FOXN3: variants seen among roughly 807,000 people sequenced by gnomAD.
The protein encoded by FOXN3 is forkhead box N3.
FOXN3 carries 7 observed loss-of-function variants against 38.4 expected under a neutral mutation model. The observed-to-expected ratio is 0.18, with a 90% confidence interval of 0.10 to 0.34. The LOEUF is 0.34. FOXN3 is among the 10% of genes least tolerant of loss of function. The probability of loss-of-function intolerance (pLI) is 1.00; values close to 1 mark genes in which losing one functional copy is unlikely to be tolerated. For synonymous variants in FOXN3, 230 were observed against 242.2 expected (o/e 0.95, Z 0.47); for missense variants, 456 against 613.4 (o/e 0.74, Z 2.71).
rs371338211 is a variant in FOXN3, at chr14:89,449,524, A to G, written c.-14-37034T>C. On this transcript the variant is annotated intron_variant, in intron 1 of 6. Coordinates refer to the FOXN3 transcript ENST00000345097. ...CAACATGTCACACAGCAAGTCAATC[A>G]GAGGACTGAGAAATAAACACAGAAG... Among the ~76,000 whole-genome samples the G allele has an allele frequency of 1.3e-4, 20 of 152,362 alleles. No individual in the cohort carries two copies. The East Asian group carries it at 1.7e-3, about 13-fold the overall frequency.
At chr14:89,230,862 A>T (rs1884785768) in intron 4 of FOXN3, 1 of 455,718 alleles carries the variant, frequency 2.2e-6, no homozygotes, top group Non-Finnish European at 4.4e-6. Flanking sequence ...GAAGGTTTTC[A>T]TTTTTCTGTT....
rs190111547 is a variant in FOXN3 at position 89,297,546 on chromosome 14, C to A, written c.681-16532G>T. On this transcript the variant is annotated intron_variant, in intron 3 of 5. Coordinates refer to ENST00000557258, the MANE Select transcript of FOXN3 (RefSeq NM_005197.4). ...CTGCACTCCAGCCTGGGCAACAGAG[C>A]AAGACTCCCTTTCAAAAAAAAAAAA... 4.3e-5 allele frequency among the ~76,000 whole-genome samples: 6 copies of A among 140,862 alleles called. No individual in the cohort carries two copies. The East Asian group carries it at 1.0e-3, about 24-fold the overall frequency. The allele number at this position is 140,862 out of a possible 152,430, so 92.4% of individuals were successfully genotyped here.
At chr14:89,553,450 GA>G (rs57720898) in intron 1 of FOXN3, among the ~76,000 whole-genome samples, 1,252 of 121,578 alleles carry the variant, frequency 0.01, 11 homozygotes, top group African/African-American at 0.022. Context: ...ACATGAAAGT[GA>G]AAAAAAAAAA....
chr14:89,610,660 GAGCCACATTTGGGGATATTTCC>G (rs1896371149), intron 1 of FOXN3, among the ~76,000 whole-genome samples: 1 of 152,166 alleles, frequency 6.6e-6, no homozygotes, highest in African/African-American at 2.4e-5. Context: ...AACTTCAAAA[GAGCCACATTTGGGGATATTTCC>G]AGTTAAGAAA....
At chr14:89,384,084 A>G (rs1890732251) in intron 2 of FOXN3, among the ~76,000 whole-genome samples, 1 of 152,238 alleles carries the variant, frequency 6.6e-6, no homozygotes. Flanking sequence ...TGCTACAATC[A>G]TTAGAGCTGA....
chr14:89,287,376 T>G (rs974420851), intron 3 of FOXN3, among the ~76,000 whole-genome samples: 1 of 152,142 alleles, frequency 6.6e-6, no homozygotes, highest in African/African-American at 2.4e-5. Flanking sequence ...TGTCTCGAAC[T>G]CCTGACCTCA....
chr14:89,309,171 C>T (rs970185906), intron 3 of FOXN3, among the ~76,000 whole-genome samples: 1 of 152,168 alleles, frequency 6.6e-6, no homozygotes, highest in Admixed American at 6.5e-5. Context: ...GCTTACAGGC[C>T]ATTCAATCTC....
chr14:89,455,556 C>T (rs576079784), intron 1 of FOXN3, among the ~76,000 whole-genome samples: 98 of 152,238 alleles, frequency 6.4e-4, no homozygotes, highest in African/African-American at 2.2e-3. Flanking sequence ...GGAGTAACGC[C>T]GAGGGCGCCC....
At chr14:89,514,309 G>A (rs1894159475) in intron 1 of FOXN3, among the ~76,000 whole-genome samples, 1 of 152,190 alleles carries the variant, frequency 6.6e-6, no homozygotes, top group African/African-American at 2.4e-5. Flanking sequence ...GGAACTGGCT[G>A]TTGTAAATGC....
intron 3 of FOXN3, among the ~76,000 whole-genome samples, chr14:89,285,820 T>G (rs1886611851): frequency 6.6e-6 from 1 of 151,884 alleles, no homozygotes; most frequent in Non-Finnish European, 1.5e-5. Context: ...ACTGCATACT[T>G]ACAAAATAGT....
In FOXN3 at chr14:89,528,376, C is replaced by CTTTTTTTTTTTTTTT. The variant is rs55935162; in HGVS notation, c.-15+90637_-15+90651dup. ...TCATCCATACTCAACATGGATGAAT[C>CTTTTTTTTTTTTTTT]TTTTTTTTTTTTTTTTTTTTTTTTT... On this transcript the variant is annotated intron_variant, in intron 1 of 6. Transcript: ENST00000345097. Among the ~76,000 whole-genome samples, 15 of 53,574 alleles carry CTTTTTTTTTTTTTTT rather than the reference C, an allele frequency of 2.8e-4. 1 individual carries two copies. The highest frequency in any genetic ancestry group is 7.8e-4 in the East Asian group (1 of 1,286). The allele number at this position is 53,574 out of a possible 152,430, so 35.1% of individuals were successfully genotyped here. A position where few individuals can be genotyped will look rare whatever the true frequency, so the allele number is the denominator to read the frequency against.
chr14:89,415,731 A>T (rs543862504), intron 1 of FOXN3, among the ~76,000 whole-genome samples: 7 of 151,998 alleles, frequency 4.6e-5, no homozygotes, highest in Non-Finnish European at 8.8e-5. Context: ...GGAAAAAAAA[A>T]GAATCTGGAT....
chr14:89,552,223 G>C (rs1368871473), intron 1 of FOXN3, among the ~76,000 whole-genome samples: 2 of 152,338 alleles, frequency 1.3e-5, no homozygotes, highest in Non-Finnish European at 2.9e-5. Flanking sequence ...TGTGTGTTCA[G>C]TTGTTTTGTG....
chr14:89,554,890 G>C (rs967428562), intron 1 of FOXN3, among the ~76,000 whole-genome samples: 1 of 147,682 alleles, frequency 6.8e-6, no homozygotes, highest in African/African-American at 2.5e-5. Context: ...CCAGGTTCAA[G>C]CGATTCTCCT....
intron 1 of FOXN3, among the ~76,000 whole-genome samples, chr14:89,613,825 T>C (rs1419086990): frequency 6.6e-6 from 1 of 152,026 alleles, no homozygotes; most frequent in Non-Finnish European, 1.5e-5. Context: ...TGCAGGGAGG[T>C]TGGCTGTGGC....
chr14:89,196,018 G>A (rs972106860), intron 4 of FOXN3, among the ~76,000 whole-genome samples: 8 of 151,922 alleles, frequency 5.3e-5, no homozygotes, highest in East Asian at 1.9e-4. Flanking sequence ...TTCCTCCTTC[G>A]CCCATGCTTC....
At chr14:89,268,877 G>A (rs1014734158) in intron 4 of FOXN3, among the ~76,000 whole-genome samples, 3 of 152,182 alleles carry the variant, frequency 2.0e-5, no homozygotes, top group South Asian at 2.1e-4. Flanking sequence ...GTGAGCCACC[G>A]CAACTTGGGC....
chr14:89,471,281 TA>T (rs1335244468), intron 1 of FOXN3, among the ~76,000 whole-genome samples: 1 of 152,056 alleles, frequency 6.6e-6, no homozygotes, highest in East Asian at 1.9e-4. Flanking sequence ...TACCTGAGAG[TA>T]ATCCATTTTC....
intron 4 of FOXN3, among the ~76,000 whole-genome samples, chr14:89,278,220 A>G (rs773411990): frequency 1.6e-4 from 24 of 152,216 alleles, no homozygotes; most frequent in Non-Finnish European, 2.6e-4. Flanking sequence ...TTACATGGCG[A>G]CAGACAAGGG....
Sources: allele counts gnomAD v4.1 joint callset (sites outside exome capture counted in the v4.1 genomes callset), GRCh38; gene constraint gnomAD v4.1.1; transcripts MANE v1.5; gene names NCBI Gene and HGNC (gene_info 2026-07-23, HGNC 2026-07-21).